MYH13: variants seen among roughly 807,000 people sequenced by gnomAD.
MYH13 encodes myosin heavy chain 13, also known as myosin-13.
Under a neutral mutation model 232.1 loss-of-function variants are expected in MYH13, and 177 were observed. The observed-to-expected ratio is 0.76, with a 90% CI of 0.67 to 0.86. The LOEUF is 0.86. MYH13 is among the 40% of genes least tolerant of loss of function. The probability of loss-of-function intolerance (pLI) is 0.00; values close to 1 mark genes in which losing one functional copy is unlikely to be tolerated. For missense variants in MYH13, 2,246 were observed against 2,405.9 expected, an observed-to-expected ratio of 0.93 and a Z score of 1.39; for synonymous variants, 884 against 923.5, an observed-to-expected ratio of 0.96 and a Z score of 0.78.
At chr17:10,343,771 A>T in intron 16 of MYH13, 29 bp downstream of exon 16, 1 of 1,555,812 alleles carries the variant, frequency 6.4e-7, no homozygotes, top group Non-Finnish European at 8.7e-7. Flanking sequence ...AGAACGTCCC[A>T]CAGAGGGAAA....
At chr17:10,368,201 A>G (rs1567675015) in intron 2 of MYH13, among the ~76,000 whole-genome samples, 1 of 152,222 alleles carries the variant, frequency 6.6e-6, no homozygotes, top group African/African-American at 2.4e-5. Flanking sequence ...TTTCAGTACT[A>G]GGAAGTTGTC....
At chr17:10,352,617 A>T (rs1243756990) in intron 11 of MYH13, among the ~76,000 whole-genome samples, 1 of 151,940 alleles carries the variant, frequency 6.6e-6, no homozygotes, top group Non-Finnish European at 1.5e-5. Flanking sequence ...AAACCAAAAA[A>T]AGGCTCCGTG....
Position 10,359,956 on chromosome 17 carries a change from TCACCTG to T in MYH13, c.643_645+3del. 6.2e-7 allele frequency: 1 copy of T among 1,608,454 alleles called. No individual in the cohort carries two copies. Among genetic ancestry groups the T allele is most frequent in the South Asian group, 1.1e-5 (1 of 90,942 alleles). ...AGCCTCCGGATGCAGGTGGGGCTGC[TCACCTG>T]CATTTTGCCTGGCTGTGTCTCCTTC... On this transcript the variant is annotated splice_donor_variant and splice_donor_region_variant and coding_sequence_variant and intron_variant, in exon 7 of 41. Transcript: ENST00000252172. LOFTEE classifies it high-confidence loss of function.
At chr17:10,315,154 C>T (rs139802934) in intron 29 of MYH13, among the ~76,000 whole-genome samples, 14 of 152,196 alleles carry the variant, frequency 9.2e-5, no homozygotes, top group African/African-American at 3.4e-4. Flanking sequence ...GACCACCCTG[C>T]GGGGGACAGA....
chr17:10,307,140 G>C, intron 35 of MYH13, 76 bp from the exon 36 acceptor site: 1 of 1,559,844 alleles, frequency 6.4e-7, no homozygotes, highest in South Asian at 1.2e-5. Context: ...GTTGGCTGGG[G>C]AGGGAAGTAA....
chr17:10,303,126 T>A, intron 39 of MYH13, 70 bp downstream of exon 39: 1 of 1,391,660 alleles, frequency 7.2e-7, no homozygotes, highest in South Asian at 1.2e-5. Context: ...CCAACCAGGA[T>A]GGCGGGGACA....
rs748270273 is a variant in MYH13, at chr17:10,364,420, G to T, written c.111C>A (p.Ala37=). 6.2e-7 allele frequency: 1 copy of T among 1,613,810 alleles called. No individual in the cohort carries two copies. Among genetic ancestry groups the T allele is most frequent in the Non-Finnish European group, 8.5e-7 (1 of 1,179,802 alleles). The change falls in exon 3 of 41, where the codon GCC becomes GCA. Residue 37 remains alanine, a synonymous_variant. Coordinates refer to ENST00000252172, the MANE Select transcript of MYH13 (RefSeq NM_003802.3). The stretch of plus-strand genomic sequence containing the variant: ...TTTCCTTATTATCCGCTACAAAGCA[G>T]GCTTTCTTGGAATCGAATGGACGAT... The part of the protein sequence containing the change: ...AQNRPFDSKK[A]CFVADNKEMY...
At chr17:10,347,320 G>A (rs968376677) in intron 12 of MYH13, among the ~76,000 whole-genome samples, 6 of 152,022 alleles carry the variant, frequency 3.9e-5, no homozygotes, top group Admixed American at 6.6e-5. Context: ...AGCCAAGATC[G>A]TGCCATTGAA....
intron 16 of MYH13, chr17:10,341,499 C>G (rs1426029733): frequency 6.6e-6 from 1 of 152,166 alleles, no homozygotes; most frequent in African/African-American, 2.4e-5. Flanking sequence ...CAGGAAACAA[C>G]CCAATTTGCC....
At position 10,312,016 on chromosome 17, in the gene MYH13, T is replaced by G. The variant is rs1033938431; in HGVS notation, c.4426A>C (p.Lys1476Gln). ...ESQAELEAAQ[K>Q]ESRSLSTELF... ...TCAGTGCTGAGTGACCTGGACTCCT[T>G]CTGAGCAGCTTCCAACTCAGCCTGG... The change falls in exon 32 of 41, where the codon AAG (lysine) becomes CAG (glutamine). Residue 1476 changes from lysine (K) to glutamine (Q), a missense_variant. Coordinates refer to ENST00000252172, the MANE Select transcript of MYH13 (RefSeq NM_003802.3). The G allele has an allele frequency of 2.5e-6, 4 of 1,613,920 alleles. No individual in the cohort carries two copies. Among genetic ancestry groups the G allele is most frequent in the Non-Finnish European group, 3.4e-6 (4 of 1,179,904 alleles).
chr17:10,310,818 C>T (rs368312872), intron 33 of MYH13, among the ~76,000 whole-genome samples: 3 of 152,132 alleles, frequency 2.0e-5, no homozygotes. Context: ...AGAGATTCTG[C>T]GCTGCTCTCA....
In MYH13 at chr17:10,352,447, G is replaced by A. The variant is rs545858931; in HGVS notation, c.1006-1753C>T. On this transcript the variant is annotated intron_variant, in intron 11 of 40. Transcript: ENST00000252172. ...TCTACTAAAAATACAAAAATTAGCC[G>A]AGCGTGGTGACAGGTGCCTGTCATC... 6.6e-5 allele frequency among the ~76,000 whole-genome samples: 10 copies of A among 152,152 alleles called. 2 individuals carry two copies. The highest frequency in any genetic ancestry group is 2.1e-4 in the South Asian group (1 of 4,822).
chr17:10,301,626 G>GTCCGCCCTC lies in MYH13; in HGVS notation c.5736_5744dup (p.Glu1912_Ala1914dup), dbSNP rs1906095401. ...GCTTGTTGACCTGGGACTCAGCGAT[G>GTCCGCCCTC]TCCGCCCTCTCCGCGGCCTCCTCTA... On this transcript the variant is annotated inframe_insertion, in exon 40 of 41. Coordinates refer to ENST00000252172, the MANE Select transcript of MYH13 (RefSeq NM_003802.3). 2 of 1,614,198 alleles carry GTCCGCCCTC rather than the reference G, an allele frequency of 1.2e-6. No homozygotes were observed. Among genetic ancestry groups the GTCCGCCCTC allele is most frequent in the Admixed American group, 3.3e-5 (2 of 60,028 alleles).
Position 10,321,550 on chromosome 17 carries a change from A to G in MYH13, c.3093T>C (p.Leu1031=). The G allele has an allele frequency of 6.2e-7, 1 of 1,612,276 alleles. No homozygotes were observed. The highest frequency in any genetic ancestry group is 8.5e-7 in the Non-Finnish European group (1 of 1,179,528). The change falls in exon 24 of 41, where the codon CTT becomes CTC. Residue 1031 remains leucine (L), a synonymous_variant. Transcript: ENST00000252172. Reference sequence around the variant, plus strand: ...TCCTCACATCATCTGTTTGCTGTTCAAGCTTGGCATTTATTTTGATTAGAC... The same window carrying G: ...TCCTCACATCATCTGTTTGCTGTTCGAGCTTGGCATTTATTTTGATTAGAC... ...VNGLIKINAK[L]EQQTDDLEGS...
At chr17:10,303,521 A>G in intron 37 of MYH13, 23 bp from the exon 38 acceptor site, 1 of 1,603,084 alleles carries the variant, frequency 6.2e-7, no homozygotes, top group Non-Finnish European at 8.5e-7. Context: ...AAAGGAACAC[A>G]GAATTCAAAT....
At chr17:10,325,834 G>A (rs1210549364) in intron 22 of MYH13, among the ~76,000 whole-genome samples, 2 of 152,004 alleles carry the variant, frequency 1.3e-5, no homozygotes, top group South Asian at 2.1e-4. Flanking sequence ...CCACCACCAT[G>A]CCCAGCTAAT....
intron 38 of MYH13, 31 bp from the exon 39 acceptor site, chr17:10,303,322 G>A (rs772107063): frequency 3.3e-5 from 54 of 1,612,472 alleles, no homozygotes; most frequent in South Asian, 5.5e-5. Context: ...GCAGGGGCCC[G>A]CAAACCTATG....
At position 10,354,639 on chromosome 17, in the gene MYH13, A is replaced by G. The variant is rs758669250; in HGVS notation, c.1005+41T>C. The G allele has an allele frequency of 2.6e-6, 4 of 1,564,708 alleles. No individual in the cohort carries two copies. In the East Asian group the frequency reaches 6.7e-5, roughly 26 times the overall value. ...ACGTGTCTCTCAGTTCATAAACTCAATAATTCTGTGCATAAACAGACAAAT... is the reference window on the plus strand; with the variant it reads ...ACGTGTCTCTCAGTTCATAAACTCAGTAATTCTGTGCATAAACAGACAAAT... On this transcript the variant is annotated intron_variant, in intron 11 of 40. Transcript: ENST00000252172.
intron 18 of MYH13, among the ~76,000 whole-genome samples, chr17:10,338,167 A>T (rs543007769): frequency 6.6e-6 from 1 of 152,326 alleles, no homozygotes; most frequent in Non-Finnish European, 1.5e-5. Flanking sequence ...GTCAGGCCAC[A>T]AGCATGTTTG....
Sources: allele counts gnomAD v4.1 joint callset (sites outside exome capture counted in the v4.1 genomes callset), GRCh38; gene constraint gnomAD v4.1.1; transcripts MANE v1.5; gene names NCBI Gene and HGNC (gene_info 2026-07-23, HGNC 2026-07-21).